The following DCT variants were observed in gnomAD, a reference collection of about 807,000 sequenced individuals.
The protein encoded by DCT is L-dopachrome tautomerase.
DCT carries 47 observed loss-of-function variants against 53.0 expected under a neutral mutation model. The observed-to-expected ratio is 0.89, with a 90% CI of 0.70 to 1.13. The LOEUF (loss-of-function observed/expected upper bound fraction) is 1.13. Among genes scored for constraint, DCT ranks in the 50% most tolerant of loss-of-function variants. DCT has a pLI of 0.00. For missense variants in DCT, 669 were observed against 637.4 expected (o/e 1.05, Z -0.53); for synonymous variants, 244 against 237.0 (o/e 1.03, Z -0.27).
chr13:94,449,193 G>C (rs1256065666), intron 6 of DCT, among the ~76,000 whole-genome samples: 4 of 151,906 alleles, frequency 2.6e-5, no homozygotes, highest in Non-Finnish European at 5.9e-5. Context: ...GCAGGAGAAA[G>C]TAATCAACCA....
intron 6 of DCT, among the ~76,000 whole-genome samples, chr13:94,456,220 G>T (rs953249776): frequency 6.6e-6 from 1 of 152,156 alleles, no homozygotes; most frequent in African/African-American, 2.4e-5. Context: ...TATGAGGAAA[G>T]AAACATTTTT....
At chr13:94,546,363 C>T in the DCT span, among the ~76,000 whole-genome samples, 5 of 152,248 alleles carry the variant, frequency 3.3e-5, no homozygotes, top group African/African-American at 1.2e-4. The surrounding 1 kb of genome is among the most constrained non-coding windows in gnomAD (Gnocchi z 4.2). Context: ...GTTAATCCCT[C>T]ATTGTCCCTT....
the DCT span, among the ~76,000 whole-genome samples, chr13:94,536,370 C>G: frequency 6.6e-6 from 1 of 152,162 alleles, no homozygotes; most frequent in South Asian, 2.1e-4. Flanking sequence ...AAGACCAACC[C>G]AGTGTAACCT....
Position 94,458,659 on chromosome 13 carries a change from G to A in DCT, c.1179+1432C>T, listed in dbSNP as rs181713634. The stretch of plus-strand genomic sequence containing the variant: ...TCTAGTAAAAATATAAAAATTAACC[G>A]GGCGTGGTGGCGTGCAACTGTAGTC... On this transcript the variant is annotated intron_variant, in intron 6 of 7. Transcript: ENST00000377028. 1.6e-3 allele frequency among the ~76,000 whole-genome samples: 243 copies of A among 151,890 alleles called. 3 individuals carry two copies. Among genetic ancestry groups the A allele is most frequent in the Non-Finnish European group, 1.6e-3 (110 of 67,962 alleles).
chr13:94,500,949 C>T, the DCT span, among the ~76,000 whole-genome samples: 1 of 152,202 alleles, frequency 6.6e-6, no homozygotes, highest in Non-Finnish European at 1.5e-5. Context: ...CACTGCCATC[C>T]TCACACAGTG....
the DCT span, among the ~76,000 whole-genome samples, chr13:94,527,641 A>G: frequency 1.3e-5 from 2 of 152,228 alleles, no homozygotes; most frequent in African/African-American, 2.4e-5. Context: ...GGTTACCAAT[A>G]TCAAAGACCA....
At chr13:94,540,622 G>C in the DCT span, among the ~76,000 whole-genome samples, 3 of 152,138 alleles carry the variant, frequency 2.0e-5, no homozygotes, top group South Asian at 2.1e-4. Flanking sequence ...TCTCACCCCA[G>C]TTAAAATGTG....
At chr13:94,455,078 A>G (rs543923343) in intron 6 of DCT, among the ~76,000 whole-genome samples, 23 of 152,294 alleles carry the variant, frequency 1.5e-4, no homozygotes, top group Non-Finnish European at 2.5e-4. Context: ...AGAAGGAGAA[A>G]TATGACTAAA....
the DCT span, among the ~76,000 whole-genome samples, chr13:94,486,429 AGATT>A: frequency 1.4e-3 from 211 of 152,246 alleles, no homozygotes; most frequent in African/African-American, 4.6e-3. Context: ...CTGATGGAGG[AGATT>A]GATTGAAGTT....
chr13:94,498,247 G>A, the DCT span, among the ~76,000 whole-genome samples: 1 of 152,224 alleles, frequency 6.6e-6, no homozygotes, highest in Non-Finnish European at 1.5e-5. Flanking sequence ...CATAATAAGA[G>A]GGACTTTTAT....
At chr13:94,447,521 G>A (rs2139288692) in intron 6 of DCT, among the ~76,000 whole-genome samples, 1 of 152,332 alleles carries the variant, frequency 6.6e-6, no homozygotes, top group Middle Eastern at 3.4e-3. Context: ...ATGGGCCCAT[G>A]GCCCAGGGGT....
chr13:94,531,524 A>G, the DCT span, among the ~76,000 whole-genome samples: 34 of 152,354 alleles, frequency 2.2e-4, no homozygotes, highest in African/African-American at 8.2e-4. Context: ...AAACCTGACA[A>G]AAACAAGCAA....
chr13:94,444,422 C>T (rs74963849), intron 6 of DCT: 1 of 516,438 alleles, frequency 1.9e-6, no homozygotes, highest in South Asian at 1.4e-5. Context: ...TGCTGTTATG[C>T]CAGCAAAAGA....
chr13:94,500,594 C>G, the DCT span, among the ~76,000 whole-genome samples: 1 of 152,208 alleles, frequency 6.6e-6, no homozygotes. Flanking sequence ...TGAGATCATG[C>G]AGATTTTGTC....
At chr13:94,484,921 T>A in the DCT span, among the ~76,000 whole-genome samples, 1 of 152,190 alleles carries the variant, frequency 6.6e-6, no homozygotes, top group Admixed American at 6.5e-5. Context: ...TTATTTTGCC[T>A]CTGTCCAATG....
At chr13:94,538,862 G>T in the DCT span, among the ~76,000 whole-genome samples, 1 of 152,070 alleles carries the variant, frequency 6.6e-6, no homozygotes, top group Non-Finnish European at 1.5e-5. Context: ...TCACTCTTAG[G>T]ATTTGTCTGT....
rs1428849400 is a variant in DCT, at chr13:94,443,507, G to A, written c.1310C>T (p.Pro437Leu). 1.9e-6 allele frequency: 3 copies of A among 1,613,958 alleles called. No homozygotes were observed. The highest frequency in any genetic ancestry group is 1.7e-6 in the Non-Finnish European group (2 of 1,179,872). Residue 437 changes from proline (P) to leucine (L), a missense_variant, in exon 7 of 8, where the codon CCT becomes CTT. Physicochemically the swap from Pro to Leu is moderately conservative, Grantham distance 98. Coordinates refer to ENST00000377028, the MANE Select transcript of DCT (RefSeq NM_001922.5). ...AAAGAGTTCTTCATTAGTCACTGGA[G>A]GGAAGAAAGGAACCATGTTGTACAT... Reference protein sequence around the residue: ...NRMYNMVPFFPPVTNEELFLT... With the variant: ...NRMYNMVPFFLPVTNEELFLT...
chr13:94,493,969 G>A, the DCT span, among the ~76,000 whole-genome samples: 6 of 152,140 alleles, frequency 3.9e-5, no homozygotes, highest in African/African-American at 9.7e-5. Context: ...TTCTACTTTC[G>A]GCTCAATTTT....
chr13:94,493,507 T>G, the DCT span, among the ~76,000 whole-genome samples: 2 of 152,176 alleles, frequency 1.3e-5, no homozygotes, highest in African/African-American at 4.8e-5. Context: ...CACTGGTGAA[T>G]TCTTAGGTGA....
Sources: gnomAD v4.1 joint callset for allele counts (sites outside exome capture counted in the v4.1 genomes callset) on GRCh38, gnomAD v4.1.1 for gene constraint, Gnocchi (gnomAD v3.1) non-coding constraint, MANE v1.5 for transcripts, NCBI Gene and HGNC (gene_info 2026-07-23, HGNC 2026-07-21) for gene names.